PRIM2: variants seen among roughly 807,000 people sequenced by gnomAD.
PRIM2 encodes the protein DNA primase subunit 2.
PRIM2 carries 39 observed loss-of-function variants against 67.3 expected under a neutral mutation model. The observed-to-expected ratio is 0.58, with a 90% CI of 0.45 to 0.76. The LOEUF (loss-of-function observed/expected upper bound fraction) is 0.76, where lower values mean the gene tolerates loss of function less well. PRIM2 is among the 30% of genes least tolerant of loss of function. PRIM2 has a pLI of 0.00. For missense variants in PRIM2, 398 were observed against 598.7 expected, an observed-to-expected ratio of 0.66 and a Z score of 3.50; for synonymous variants, 143 against 198.7, an observed-to-expected ratio of 0.72 and a Z score of 2.36.
chr6:57,234,859 G>A, the PRIM2 span, among the ~76,000 whole-genome samples: 23 of 152,268 alleles, frequency 1.5e-4, no homozygotes, highest in Non-Finnish European at 2.4e-4. Context: ...AATGACTGAA[G>A]TTTATCTGTA....
intron 10 of PRIM2, among the ~76,000 whole-genome samples, chr6:57,574,475 T>A (rs1422498189): frequency 6.6e-6 from 1 of 152,254 alleles, no homozygotes; most frequent in Non-Finnish European, 1.5e-5. Context: ...GATCAGAACC[T>A]TCTACCCGGT....
the PRIM2 span, among the ~76,000 whole-genome samples, chr6:57,277,718 T>A: frequency 6.6e-6 from 1 of 152,056 alleles, no homozygotes; most frequent in Non-Finnish European, 1.5e-5. Context: ...GGTGGCTTCA[T>A]GCCTGTAATC....
At chr6:57,353,747 C>T (rs368542327) in intron 5 of PRIM2, among the ~76,000 whole-genome samples, 73 of 152,208 alleles carry the variant, frequency 4.8e-4, no homozygotes, top group African/African-American at 1.7e-3. Flanking sequence ...GAGGGGCTGT[C>T]TCCAAGACCA....
intron 7 of PRIM2, among the ~76,000 whole-genome samples, chr6:57,423,755 C>T (rs1016809332): frequency 6.6e-6 from 1 of 152,206 alleles, no homozygotes; most frequent in African/African-American, 2.4e-5. Context: ...GGATCCCGTG[C>T]TGCCTGGTGG....
chr6:57,645,928 G>T lies in PRIM2; in HGVS notation c.1300G>T (p.Val434Leu). Residue 434 changes from valine (V) to leucine (L), a missense_variant and splice_region_variant, in exon 14 of 14, where the codon GTG becomes TTG. Transcript: ENST00000615550. ...CAATATAAATTTCCTTCCTTTACAG[G>T]TGGATGATTGTGGCTTTTCTTTGAA... The part of the protein sequence containing the change: ...CQKYFEMIHN[V>L]DDCGFSLNHP... 2 of 1,491,662 alleles carry T rather than the reference G, an allele frequency of 1.3e-6. No homozygotes were observed. Among genetic ancestry groups the T allele is most frequent in the South Asian group, 1.1e-5 (1 of 87,720 alleles). The allele number at this position is 1,491,662 out of a possible 1,614,324, so 92.4% of individuals were successfully genotyped here.
chr6:57,275,976 C>T, the PRIM2 span, among the ~76,000 whole-genome samples: 20 of 152,168 alleles, frequency 1.3e-4, no homozygotes, highest in Non-Finnish European at 2.5e-4. Flanking sequence ...ATAGCAGTGA[C>T]GAGGAAGGAA....
intron 13 of PRIM2, among the ~76,000 whole-genome samples, chr6:57,639,967 T>G (rs1777200312): frequency 6.6e-6 from 1 of 151,920 alleles, no homozygotes; most frequent in Non-Finnish European, 1.5e-5. Flanking sequence ...CTGGTGAACA[T>G]CGATGCAAAA....
the PRIM2 span, among the ~76,000 whole-genome samples, chr6:57,264,624 G>T: frequency 7.4e-6 from 1 of 135,410 alleles, no homozygotes; most frequent in Non-Finnish European, 1.5e-5. Context: ...TTGCGATGGA[G>T]CCTCACTCTG....
At chr6:57,441,409 A>T (rs568219262) in intron 7 of PRIM2, among the ~76,000 whole-genome samples, 2 of 152,152 alleles carry the variant, frequency 1.3e-5, no homozygotes, top group South Asian at 2.1e-4. Context: ...TTGCTTTTTC[A>T]TACTGAAAAT....
At chr6:57,556,244 A>T (rs1775511116) in intron 10 of PRIM2, among the ~76,000 whole-genome samples, 1 of 152,230 alleles carries the variant, frequency 6.6e-6, no homozygotes, top group African/African-American at 2.4e-5. Flanking sequence ...ATTCAATGCT[A>T]TTCCTATCCA....
intron 8 of PRIM2, among the ~76,000 whole-genome samples, chr6:57,509,743 A>C (rs1251744449): frequency 6.6e-6 from 1 of 151,266 alleles, no homozygotes; most frequent in African/African-American, 2.4e-5. Context: ...TCCTTCTGCC[A>C]CTTCTATTTA....
the PRIM2 span, among the ~76,000 whole-genome samples, chr6:57,276,783 G>C: frequency 1.3e-5 from 2 of 151,938 alleles, no homozygotes. Flanking sequence ...CATGTATTTG[G>C]GGGGCTCAGG....
chr6:57,429,236 G>A (rs1420577530), intron 7 of PRIM2, among the ~76,000 whole-genome samples: 4 of 152,208 alleles, frequency 2.6e-5, no homozygotes, highest in Admixed American at 1.3e-4. Flanking sequence ...ACAAGGACAA[G>A]TGGATATTTA....
At chr6:57,355,809 G>A (rs3778512) in intron 5 of PRIM2, among the ~76,000 whole-genome samples, 70,958 of 151,614 alleles carry the variant, frequency 0.47, 16,619 homozygotes, top group South Asian at 0.56. Flanking sequence ...GCTAATTTTT[G>A]TACTTTTTTT....
chr6:57,309,280 T>G, the PRIM2 span, among the ~76,000 whole-genome samples: 1 of 113,030 alleles, frequency 8.8e-6, no homozygotes, highest in Admixed American at 9.8e-5. Flanking sequence ...CCCAATGCTA[T>G]CCCTCCCCCC....
chr6:57,358,380 A>G (rs992930615), intron 5 of PRIM2, among the ~76,000 whole-genome samples: 1 of 152,234 alleles, frequency 6.6e-6, no homozygotes, highest in African/African-American at 2.4e-5. Flanking sequence ...ACAGTAAAAA[A>G]TAGAAAAATT....
rs530369544 is a variant in PRIM2 at position 57,325,690 on chromosome 6, C to A, written c.339-235C>A. The stretch of plus-strand genomic sequence containing the variant: ...ATAATGCAGCTAGTCTCGAAGCATT[C>A]TTGTATTTAATCTTTTTAATTTTTA... On this transcript the variant is annotated intron_variant, in intron 4 of 13. Transcript: ENST00000615550. Among the ~76,000 whole-genome samples, 61 of 152,218 alleles carry A rather than the reference C, an allele frequency of 4.0e-4. 1 individual carries two copies. The highest frequency in any genetic ancestry group is 1.1e-3 in the African/African-American group (44 of 41,532).
intron 5 of PRIM2, among the ~76,000 whole-genome samples, chr6:57,373,083 T>C (rs1172875734): frequency 3.9e-5 from 6 of 152,224 alleles, no homozygotes; most frequent in Non-Finnish European, 7.3e-5. Context: ...CCACCAGCAG[T>C]GTAAAAGCAT....
In PRIM2 at chr6:57,477,086, GCTT is replaced by G. The variant is rs1176308399; in HGVS notation, c.694-30299_694-30297del. On this transcript the variant is annotated intron_variant, in intron 7 of 13. Coordinates refer to ENST00000615550, the MANE Select transcript of PRIM2 (RefSeq NM_000947.5). Reference sequence around the variant, plus strand: ...GCTCACTCCAGCTTCAACCTCCTGGGCTTCATCGATCCTCCCACTGCAGCCTCC... The same window carrying G: ...GCTCACTCCAGCTTCAACCTCCTGGGCATCGATCCTCCCACTGCAGCCTCC... Among the ~76,000 whole-genome samples the G allele has an allele frequency of 3.7e-3, 568 of 152,252 alleles. 23 individuals carry two copies. In the East Asian group the frequency reaches 0.096, roughly 26 times the overall value.
Sources: gnomAD v4.1 joint callset for allele counts (sites outside exome capture counted in the v4.1 genomes callset) on GRCh38, gnomAD v4.1.1 for gene constraint, MANE v1.5 for transcripts, NCBI Gene and HGNC (gene_info 2026-07-23, HGNC 2026-07-21) for gene names.